The following PHACTR3 variants were observed in gnomAD, a reference collection of about 807,000 sequenced individuals.
The protein encoded by PHACTR3 is phosphatase and actin regulator 3, also known as protein phosphatase 1, regulatory subunit 123.
In PHACTR3, 16 loss-of-function variants were observed where a neutral mutation model predicts 66.8. That is an observed-to-expected ratio of 0.24 (90% CI 0.16 to 0.36). The LOEUF (loss-of-function observed/expected upper bound fraction) is 0.36. Ranked by LOEUF, PHACTR3 falls within the 10% of genes least tolerant of loss-of-function variation. The probability of loss-of-function intolerance (pLI) is 1.00; values close to 1 mark genes in which losing one functional copy is unlikely to be tolerated. For missense variants in PHACTR3, 647 were observed against 719.9 expected (o/e 0.90, Z 1.16); for synonymous variants, 323 against 292.1 (o/e 1.11, Z -1.08).
rs550909462 is a variant in PHACTR3 at position 59,722,124 on chromosome 20, C to T, written c.119-20983C>T. Among the ~76,000 whole-genome samples, 4 of 152,150 alleles carry T rather than the reference C, an allele frequency of 2.6e-5. No homozygotes were observed. In the South Asian group the frequency reaches 6.2e-4, roughly 24 times the overall value. ...GCGGGCACCTGTGGTCCCAGCTACT[C>T]GGGAGGCTGAGGCAGGAGAATGGTG... On this transcript the variant is annotated intron_variant, in intron 1 of 12. Transcript: ENST00000371015.
intron 1 of PHACTR3, among the ~76,000 whole-genome samples, chr20:59,690,981 C>A (rs2037087773): frequency 6.6e-6 from 1 of 152,084 alleles, no homozygotes; most frequent in Non-Finnish European, 1.5e-5. Flanking sequence ...CTGGGAGAGG[C>A]TTTTTTACAG....
intron 7 of PHACTR3, among the ~76,000 whole-genome samples, chr20:59,796,252 C>A (rs1177556537): frequency 1.3e-5 from 2 of 152,024 alleles, no homozygotes; most frequent in Non-Finnish European, 2.9e-5. Flanking sequence ...TACCTTACCC[C>A]ACTCCCACAG....
intron 1 of PHACTR3, chr20:59,626,761 G>A (rs551557321): frequency 6.6e-6 from 1 of 152,306 alleles, no homozygotes; most frequent in South Asian, 2.1e-4. Flanking sequence ...AGGATTCGAA[G>A]GTCATTTAGT....
At chr20:59,722,382 C>T (rs540772037) in intron 1 of PHACTR3, among the ~76,000 whole-genome samples, 2 of 152,240 alleles carry the variant, frequency 1.3e-5, no homozygotes, top group African/African-American at 4.8e-5. Flanking sequence ...GAAGGTATTC[C>T]TGGCAGAGAG....
At chr20:59,785,453 G>A (rs1022564794) in intron 7 of PHACTR3, among the ~76,000 whole-genome samples, 3 of 152,202 alleles carry the variant, frequency 2.0e-5, no homozygotes, top group Non-Finnish European at 4.4e-5. Context: ...TGGTACACAG[G>A]TGAATCATAA....
At chr20:59,697,754 T>C (rs908780822) in intron 1 of PHACTR3, among the ~76,000 whole-genome samples, 2 of 152,154 alleles carry the variant, frequency 1.3e-5, no homozygotes, top group African/African-American at 2.4e-5. Context: ...ATTTAATCAA[T>C]AAATTACCCA....
intron 7 of PHACTR3, among the ~76,000 whole-genome samples, 179 bp from the exon 8 acceptor site, chr20:59,805,862 C>T (rs563970115): frequency 2.0e-5 from 3 of 152,368 alleles, no homozygotes; most frequent in Non-Finnish European, 1.5e-5. Context: ...GTGTTGCCCA[C>T]TGTTCCACTG....
chr20:59,677,951 C>T (rs1235494679), intron 1 of PHACTR3, among the ~76,000 whole-genome samples: 1 of 152,168 alleles, frequency 6.6e-6, no homozygotes, highest in Admixed American at 6.5e-5. Context: ...GTGCAACTCT[C>T]AGCAGAAGGA....
intron 1 of PHACTR3, among the ~76,000 whole-genome samples, chr20:59,585,310 G>A (rs1011990395): frequency 1.3e-5 from 2 of 152,154 alleles, no homozygotes; most frequent in Admixed American, 1.3e-4. Flanking sequence ...TGATGTTGTG[G>A]CCATTTTTGG....
intron 2 of PHACTR3, among the ~76,000 whole-genome samples, chr20:59,744,939 C>A (rs1407884234): frequency 6.6e-6 from 1 of 152,210 alleles, no homozygotes; most frequent in East Asian, 1.9e-4. Flanking sequence ...ATGCTAGGCT[C>A]AGCTAGGTGG....
At chr20:59,667,401 C>T (rs560462498) in intron 1 of PHACTR3, among the ~76,000 whole-genome samples, 4 of 152,322 alleles carry the variant, frequency 2.6e-5, no homozygotes, top group African/African-American at 9.6e-5. Context: ...CCAACTAGCC[C>T]GTCTCATTGT....
chr20:59,845,566 T>C (rs1013092097), intron 12 of PHACTR3, among the ~76,000 whole-genome samples: 1 of 152,200 alleles, frequency 6.6e-6, no homozygotes, highest in Admixed American at 6.5e-5. Flanking sequence ...TTAATTCCCC[T>C]CTAATATTCA....
chr20:59,699,349 C>T (rs969602934), intron 1 of PHACTR3, among the ~76,000 whole-genome samples: 1 of 152,150 alleles, frequency 6.6e-6, no homozygotes, highest in Non-Finnish European at 1.5e-5. Flanking sequence ...AGTCATTCAT[C>T]CTTGAGGAAT....
intron 1 of PHACTR3, among the ~76,000 whole-genome samples, chr20:59,657,579 G>A (rs2146466529): frequency 6.6e-6 from 1 of 152,096 alleles, no homozygotes; most frequent in East Asian, 1.9e-4. Context: ...TAACATTCTT[G>A]GTTAACAGTT....
intron 1 of PHACTR3, among the ~76,000 whole-genome samples, chr20:59,716,842 A>G (rs1230228038): frequency 6.6e-6 from 1 of 152,232 alleles, no homozygotes; most frequent in Non-Finnish European, 1.5e-5. Context: ...TAGGTGCTCA[A>G]TAAATGCGCC....
At chr20:59,723,735 C>T (rs895531762) in intron 1 of PHACTR3, among the ~76,000 whole-genome samples, 8 of 151,832 alleles carry the variant, frequency 5.3e-5, no homozygotes, top group Admixed American at 6.6e-5. Flanking sequence ...TATGGCGACT[C>T]GGTCTTTGGG....
Position 59,604,762 on chromosome 20 carries a change from TAAC to T in PHACTR3, c.-250_-248del. 8.7e-7 allele frequency: 1 copy of T among 1,155,978 alleles called. No homozygotes were observed. Among genetic ancestry groups the T allele is most frequent in the Non-Finnish European group, 1.1e-6 (1 of 944,338 alleles). 71.6% of individuals were successfully genotyped at this position (1,155,978 alleles called of 1,614,324 possible). Reference sequence around the variant, plus strand: ...AAGAATGGGAATAAACACGAATAAATAACAAAGCGAGGCCGCGCACGCCGGGAT... The same window carrying T: ...AAGAATGGGAATAAACACGAATAAATAAAGCGAGGCCGCGCACGCCGGGAT... On this transcript the variant is annotated 5_prime_UTR_variant, in exon 1 of 13. Transcript: ENST00000371015.
At chr20:59,717,636 C>A (rs150429232) in intron 1 of PHACTR3, among the ~76,000 whole-genome samples, 2 of 151,902 alleles carry the variant, frequency 1.3e-5, no homozygotes, top group African/African-American at 4.9e-5. Flanking sequence ...AACCCACCCC[C>A]CAGCCCGTGT....
intron 3 of PHACTR3, among the ~76,000 whole-genome samples, chr20:59,753,588 A>G (rs1370661392): frequency 1.3e-5 from 2 of 152,204 alleles, no homozygotes; most frequent in African/African-American, 2.4e-5. Flanking sequence ...CATCACCAAC[A>G]ACAATGACAG....
Sources: allele counts gnomAD v4.1 joint callset (sites outside exome capture counted in the v4.1 genomes callset), GRCh38; gene constraint gnomAD v4.1.1; transcripts MANE v1.5; gene names NCBI Gene and HGNC (gene_info 2026-07-23, HGNC 2026-07-21).